DYNC1LI1: variants seen among roughly 807,000 people sequenced by gnomAD.
The protein encoded by DYNC1LI1 is cytoplasmic dynein 1 light intermediate chain 1.
DYNC1LI1 carries 19 observed loss-of-function variants against 63.8 expected under a neutral mutation model. That is an observed-to-expected ratio of 0.30 (90% CI 0.21 to 0.44). The LOEUF (loss-of-function observed/expected upper bound fraction) is 0.44. DYNC1LI1 is among the 20% of genes least tolerant of loss of function. The pLI, the probability that DYNC1LI1 is intolerant of heterozygous loss-of-function variation, is 1.00. For synonymous variants in DYNC1LI1, 225 were observed against 232.3 expected (o/e 0.97, Z 0.28); for missense variants, 565 against 630.2 (o/e 0.90, Z 1.11).
Position 32,537,900 on chromosome 3 carries a change from A to AAT in DYNC1LI1, c.739-798_739-797dup, listed in dbSNP as rs527775370. Among the ~76,000 whole-genome samples the AAT allele has an allele frequency of 1.4e-3, 93 of 64,334 alleles. 2 individuals are homozygous for AAT. The highest frequency in any genetic ancestry group is 5.3e-3 in the East Asian group (17 of 3,178). 42.2% of individuals were successfully genotyped at this position (64,334 alleles called of 152,430 possible). A position where few individuals can be genotyped will look rare whatever the true frequency, so the allele number is the denominator to read the frequency against. ...ATATATATATATAATTTATATATATAATATATATATATAATTTATATATAT... is the reference window on the plus strand; with the variant it reads ...ATATATATATATAATTTATATATATAATATATATATATATAATTTATATATAT... On this transcript the variant is annotated intron_variant, in intron 5 of 12. Coordinates refer to ENST00000273130, the MANE Select transcript of DYNC1LI1 (RefSeq NM_016141.4).
chr3:32,530,352 T>G, intron 9 of DYNC1LI1, 24 bp from the exon 10 acceptor site: 1 of 1,444,126 alleles, frequency 6.9e-7, no homozygotes, highest in African/African-American at 1.5e-5. Context: ...AAAAAAAGAA[T>G]CCTAGTTTAG....
chr3:32,545,055 C>T lies in DYNC1LI1; in HGVS notation c.389G>A (p.Gly130Asp), dbSNP rs138117084. 6.2e-7 allele frequency: 1 copy of T among 1,614,010 alleles called. No homozygotes were observed. The highest frequency in any genetic ancestry group is 1.1e-5 in the South Asian group (1 of 91,066). ...WILDGDLYHK[G>D]LLKFSLDAVS... The stretch of plus-strand genomic sequence containing the variant: ...GGCATCCAGTGAAAATTTAAGGAGG[C>T]CTTTGTGATATAGGTCTCCATCTAA... Residue 130 changes from glycine to aspartate, a missense_variant, in exon 4 of 13, where the codon GGC becomes GAC. Gly to Asp is a moderately conservative substitution (Grantham distance 94). Coordinates refer to ENST00000273130, the MANE Select transcript of DYNC1LI1 (RefSeq NM_016141.4).
chr3:32,562,599 T>C (rs924282749), intron 2 of DYNC1LI1, among the ~76,000 whole-genome samples: 1 of 152,236 alleles, frequency 6.6e-6, no homozygotes. Context: ...AGTGCTAAGA[T>C]TGCAGGCGGG....
At chr3:32,567,699 C>G (rs1014277181) in intron 2 of DYNC1LI1, among the ~76,000 whole-genome samples, 15 of 147,824 alleles carry the variant, frequency 1.0e-4, no homozygotes, top group African/African-American at 3.8e-4. Flanking sequence ...CCATCATACC[C>G]GGCCTTTTTT....
At chr3:32,570,551 G>C (rs1464549962) in intron 1 of DYNC1LI1, 74 bp downstream of exon 1, 46 of 1,514,548 alleles carry the variant, frequency 3.0e-5, no homozygotes, top group Non-Finnish European at 3.7e-5. Context: ...GAGCTCCAGC[G>C]GGCACGGGAT....
intron 2 of DYNC1LI1, among the ~76,000 whole-genome samples, chr3:32,551,893 T>C (rs1213275954): frequency 1.3e-5 from 2 of 152,198 alleles, no homozygotes; most frequent in African/African-American, 4.8e-5. Context: ...TCTCACTCTA[T>C]ATGTAATTCC....
chr3:32,540,557 T>C (rs1034824944), intron 5 of DYNC1LI1, among the ~76,000 whole-genome samples: 3 of 151,750 alleles, frequency 2.0e-5, no homozygotes, highest in Non-Finnish European at 4.4e-5. Context: ...GGTGGGTGCC[T>C]GTAATCCCAG....
At chr3:32,536,457 C>T (rs1435757382) in intron 6 of DYNC1LI1, among the ~76,000 whole-genome samples, 1 of 152,126 alleles carries the variant, frequency 6.6e-6, no homozygotes, top group African/African-American at 2.4e-5. Flanking sequence ...ACTGGCTCAC[C>T]TAATCCTTGC....
At chr3:32,528,977 T>C (rs1272486121) in intron 11 of DYNC1LI1, among the ~76,000 whole-genome samples, 2 of 151,956 alleles carry the variant, frequency 1.3e-5, no homozygotes, top group Non-Finnish European at 2.9e-5. Context: ...TTGCCAGAGA[T>C]AAATGGGCAA....
chr3:32,563,867 T>C (rs1698225073), intron 2 of DYNC1LI1, among the ~76,000 whole-genome samples: 1 of 152,226 alleles, frequency 6.6e-6, no homozygotes, highest in African/African-American at 2.4e-5. Flanking sequence ...GGAATAACAA[T>C]GATACTTTAA....
chr3:32,537,938 A>ATT (rs71627023), intron 5 of DYNC1LI1, among the ~76,000 whole-genome samples: 450 of 10,168 alleles, frequency 0.044, 30 homozygotes, highest in African/African-American at 0.12. Context: ...TATATATATA[A>ATT]TATATATATA....
At chr3:32,557,423 G>A (rs1698129345) in intron 2 of DYNC1LI1, among the ~76,000 whole-genome samples, 1 of 152,100 alleles carries the variant, frequency 6.6e-6, no homozygotes, top group Admixed American at 6.6e-5. Flanking sequence ...TCGAGAGGCT[G>A]AGGCAGGAGA....
intron 3 of DYNC1LI1, chr3:32,545,346 T>C: frequency 3.7e-6 from 2 of 539,560 alleles, no homozygotes; most frequent in Non-Finnish European, 3.3e-6. Flanking sequence ...ATGACTTAAC[T>C]GTAGCATCCT....
intron 2 of DYNC1LI1, among the ~76,000 whole-genome samples, chr3:32,555,742 G>A (rs1317911881): frequency 6.6e-6 from 1 of 152,142 alleles, no homozygotes; most frequent in Non-Finnish European, 1.5e-5. Flanking sequence ...TCTAGTTAAT[G>A]ATACACTTGC....
rs114391949 is a variant in DYNC1LI1 at position 32,555,400 on chromosome 3, G to A, written c.221-9435C>T. Among the ~76,000 whole-genome samples the A allele has an allele frequency of 6.4e-3, 973 of 152,256 alleles. 8 individuals carry two copies. Among genetic ancestry groups the A allele is most frequent in the African/African-American group, 0.022 (924 of 41,544 alleles). Reference sequence around the variant, plus strand: ...GTCTGAAAAGCTAATGAAAACAAAGGTTCTGTAAACAAAATCCCACTTTTT... The same window carrying A: ...GTCTGAAAAGCTAATGAAAACAAAGATTCTGTAAACAAAATCCCACTTTTT... On this transcript the variant is annotated intron_variant, in intron 2 of 12. Coordinates refer to ENST00000273130, the MANE Select transcript of DYNC1LI1 (RefSeq NM_016141.4).
intron 4 of DYNC1LI1, among the ~76,000 whole-genome samples, chr3:32,543,565 A>ATTTTT (rs113578821): frequency 1.8e-4 from 26 of 140,790 alleles, no homozygotes; most frequent in African/African-American, 6.0e-4. Flanking sequence ...TGCTGGGCTA[A>ATTTTT]TTTTTTTTTT....
intron 2 of DYNC1LI1, among the ~76,000 whole-genome samples, chr3:32,559,317 T>G (rs541710819): frequency 9.7e-4 from 147 of 152,286 alleles, no homozygotes; most frequent in African/African-American, 3.3e-3. Flanking sequence ...CTCAGCTCAC[T>G]GCAGCCTCGA....
intron 8 of DYNC1LI1, 117 bp downstream of exon 8, chr3:32,532,869 G>A: frequency 7.3e-7 from 1 of 1,377,662 alleles, no homozygotes; most frequent in South Asian, 1.8e-5. Flanking sequence ...ATTATACTTA[G>A]AAACCCTCCA....
At chr3:32,562,842 A>G (rs548511737) in intron 2 of DYNC1LI1, among the ~76,000 whole-genome samples, 1 of 152,300 alleles carries the variant, frequency 6.6e-6, no homozygotes, top group Non-Finnish European at 1.5e-5. Context: ...AAGGATAGGG[A>G]GGCTGACTCT....
Sources: gnomAD v4.1 joint callset for allele counts (sites outside exome capture counted in the v4.1 genomes callset) on GRCh38, gnomAD v4.1.1 for gene constraint, MANE v1.5 for transcripts, NCBI Gene and HGNC (gene_info 2026-07-23, HGNC 2026-07-21) for gene names.